ABL1: variants seen among roughly 807,000 people sequenced by gnomAD.
ABL1 encodes ABL proto-oncogene 1, non-receptor tyrosine kinase, also known as tyrosine-protein kinase ABL1.
Under a neutral mutation model 94.7 loss-of-function variants are expected in ABL1, and 11 were observed. The ratio of observed to expected loss-of-function variants is 0.12; its 90% CI spans 0.07 to 0.19. The LOEUF is 0.19. ABL1 is among the 10% of genes least tolerant of loss of function. ABL1 has a pLI of 1.00. For synonymous variants in ABL1, 656 were observed against 622.4 expected, an observed-to-expected ratio of 1.05 and a Z score of -0.80; for missense variants, 1,082 against 1,489.4, an observed-to-expected ratio of 0.73 and a Z score of 4.50.
chr9:130,834,884 T>G (rs1490038058), upstream of ABL1: 1 of 455,878 alleles, frequency 2.2e-6, no homozygotes, highest in Non-Finnish European at 4.4e-6. Context: ...CGTTCTCGGG[T>G]CAGAGGGTTT....
intron 1 of ABL1, among the ~76,000 whole-genome samples, chr9:130,719,010 C>G (rs1215581647): frequency 1.3e-5 from 2 of 152,042 alleles, no homozygotes; most frequent in African/African-American, 4.8e-5. Context: ...ATTTGAAAAT[C>G]ATTATTTATG....
intron 1 of ABL1, chr9:130,724,865 C>T (rs1281824582): frequency 6.4e-6 from 3 of 465,944 alleles, no homozygotes; most frequent in Admixed American, 2.2e-5. Flanking sequence ...GCTTCATTCG[C>T]CCAGTCCCTG....
At chr9:130,809,415 AGAGTGT>A (rs1413674320) in intron 1 of ABL1, among the ~76,000 whole-genome samples, 1,692 of 97,412 alleles carry the variant, frequency 0.017, 11 homozygotes, top group East Asian at 0.025. Context: ...AGAGAGAGAG[AGAGTGT>A]GTGTGTGTGT....
intron 1 of ABL1, among the ~76,000 whole-genome samples, chr9:130,771,240 G>GTATGTATGTA (rs1832247577): frequency 1.3e-5 from 2 of 151,694 alleles, no homozygotes; most frequent in African/African-American, 4.9e-5. Context: ...ATGTGTGTGT[G>GTATGTATGTA]TGTATGTATG....
At chr9:130,868,084 C>A (rs969031903) in intron 4 of ABL1, among the ~76,000 whole-genome samples, 1 of 151,982 alleles carries the variant, frequency 6.6e-6, no homozygotes, top group African/African-American at 2.4e-5. Context: ...CTCAGCCTCC[C>A]GAGTAGCTGG....
rs368040976 is a variant in ABL1, at chr9:130,718,422, CA to C, written c.136+3968del. Among the ~76,000 whole-genome samples, 108 of 150,266 alleles carry C rather than the reference CA, an allele frequency of 7.2e-4. 1 individual carries two copies. Among genetic ancestry groups the C allele is most frequent in the African/African-American group, 2.1e-3 (87 of 40,786 alleles). On this transcript the variant is annotated intron_variant, in intron 1 of 10. Coordinates refer to the ABL1 transcript ENST00000372348. Reference sequence around the variant, plus strand: ...GAAAGTCTGTTTTGGGGGGAGAAAACAGTTATTTTCCAGTAATAAAAATATT... The same window carrying C: ...GAAAGTCTGTTTTGGGGGGAGAAAACGTTATTTTCCAGTAATAAAAATATT...
chr9:130,844,764 G>A (rs1258178392), intron 1 of ABL1, among the ~76,000 whole-genome samples: 4 of 152,232 alleles, frequency 2.6e-5, no homozygotes, highest in African/African-American at 7.2e-5. Flanking sequence ...TCGCGCCACC[G>A]CACTCCAGCC....
intron 3 of ABL1, among the ~76,000 whole-genome samples, chr9:130,860,665 A>C (rs994357057): frequency 1.3e-5 from 2 of 152,214 alleles, no homozygotes; most frequent in Non-Finnish European, 2.9e-5. Flanking sequence ...GTACTGTGCC[A>C]GTGATTTCCA....
intron 1 of ABL1, among the ~76,000 whole-genome samples, chr9:130,716,939 T>C (rs1831450508): frequency 6.6e-6 from 1 of 151,990 alleles, no homozygotes; most frequent in African/African-American, 2.4e-5. Flanking sequence ...TATCTGCCTC[T>C]GTGATATAGA....
At chr9:130,851,028 A>C (rs1178080032) in intron 1 of ABL1, among the ~76,000 whole-genome samples, 7 of 151,870 alleles carry the variant, frequency 4.6e-5, no homozygotes, top group Non-Finnish European at 8.8e-5. Flanking sequence ...GGTTCACGCC[A>C]TTCTCCTGCC....
At chr9:130,840,260 C>T (rs919063892) in intron 1 of ABL1, among the ~76,000 whole-genome samples, 1 of 152,168 alleles carries the variant, frequency 6.6e-6, no homozygotes, top group African/African-American at 2.4e-5. Flanking sequence ...TACTTCCTGT[C>T]CTTGATTTTT....
rs1468160130 is a variant in ABL1 at position 130,814,264 on chromosome 9, C to T, written c.137-39800C>T. On this transcript the variant is annotated intron_variant, in intron 1 of 10. Transcript: ENST00000372348. This position sits in a 1 kb window ranked among gnomAD's most constrained non-coding sequence, Gnocchi z 4.4. ...ATCGCGCCATTGCACTCCACCCTAG[C>T]GACAGAACGAGACTCCGTCTCAAAA... Among the ~76,000 whole-genome samples, 3 of 149,352 alleles carry T rather than the reference C, an allele frequency of 2.0e-5. No homozygotes were observed. The highest frequency in any genetic ancestry group is 3.0e-5 in the Non-Finnish European group (2 of 67,666).
chr9:130,854,028 CTTTTTCT>C (rs1241790306), intron 1 of ABL1, 29 bp from the exon 2 acceptor site: 32 of 1,553,914 alleles, frequency 2.1e-5, no homozygotes, highest in Non-Finnish European at 2.8e-5. Flanking sequence ...TTTTCTCTTC[CTTTTTCT>C]TTTTTCTGTT....
At chr9:130,854,382 A>G (rs1452043526) in intron 2 of ABL1, 145 bp downstream of exon 2, 3 of 942,638 alleles carry the variant, frequency 3.2e-6, no homozygotes, top group East Asian at 5.2e-5. Flanking sequence ...GCATGTTTCT[A>G]AGGGAGTCGA....
At chr9:130,879,676 C>T (rs1408212720) in intron 8 of ABL1, among the ~76,000 whole-genome samples, 1 of 152,172 alleles carries the variant, frequency 6.6e-6, no homozygotes, top group African/African-American at 2.4e-5. Flanking sequence ...TCTGTTTAGT[C>T]CTCATGTTAG....
At chr9:130,830,626 C>A (rs565709760), upstream of ABL1, among the ~76,000 whole-genome samples, 15 of 152,302 alleles carry the variant, frequency 9.8e-5, no homozygotes, top group African/African-American at 3.1e-4. Flanking sequence ...GAGCTCTTGA[C>A]TGAGTCCCAG....
chr9:130,816,049 C>T (rs1470640635), intron 1 of ABL1, among the ~76,000 whole-genome samples: 1 of 152,050 alleles, frequency 6.6e-6, no homozygotes, highest in Non-Finnish European at 1.5e-5. Context: ...CAAACAAGCA[C>T]CAGAGCCCTG....
At chr9:130,860,923 A>G (rs543779905) in intron 3 of ABL1, among the ~76,000 whole-genome samples, 1 of 152,262 alleles carries the variant, frequency 6.6e-6, no homozygotes, top group South Asian at 2.1e-4. Flanking sequence ...ACCAGCAGTG[A>G]AGAGAGTGCG....
At chr9:130,794,140 G>A (rs1029665455) in intron 1 of ABL1, among the ~76,000 whole-genome samples, 6 of 152,030 alleles carry the variant, frequency 3.9e-5, no homozygotes, top group Non-Finnish European at 7.4e-5. Flanking sequence ...CCCCTCAGTG[G>A]CCCCATCCCC....
Sources: gnomAD v4.1 joint callset for allele counts (sites outside exome capture counted in the v4.1 genomes callset) on GRCh38, gnomAD v4.1.1 for gene constraint, Gnocchi (gnomAD v3.1) non-coding constraint, MANE v1.5 for transcripts, NCBI Gene and HGNC (gene_info 2026-07-23, HGNC 2026-07-21) for gene names.